The following TAFA1 variants were observed in gnomAD, a reference collection of about 807,000 sequenced individuals.
The protein encoded by TAFA1 is chemokine-like protein TAFA-1.
Under a neutral mutation model 18.5 loss-of-function variants are expected in TAFA1, and 4 were observed. That is an observed-to-expected ratio of 0.22 (90% CI 0.11 to 0.49). The LOEUF (loss-of-function observed/expected upper bound fraction) is 0.49, where lower values mean the gene tolerates loss of function less well. TAFA1 is among the 20% of genes least tolerant of loss of function. The pLI, the probability that TAFA1 is intolerant of heterozygous loss-of-function variation, is 0.98. For synonymous variants in TAFA1, 56 were observed against 55.2 expected (o/e 1.01, Z -0.06); for missense variants, 147 against 169.0 (o/e 0.87, Z 0.72).
At chr3:68,155,798 G>T (rs2065860905) in intron 2 of TAFA1, among the ~76,000 whole-genome samples, 1 of 152,076 alleles carries the variant, frequency 6.6e-6, no homozygotes, top group African/African-American at 2.4e-5. Flanking sequence ...TTCATTTCTT[G>T]TAAACCTCCA....
At chr3:68,039,454 T>A (rs1705118774) in intron 2 of TAFA1, among the ~76,000 whole-genome samples, 1 of 152,142 alleles carries the variant, frequency 6.6e-6, no homozygotes, top group South Asian at 2.1e-4. Flanking sequence ...TTTCTAGGCT[T>A]TTATATAATA....
intron 2 of TAFA1, among the ~76,000 whole-genome samples, chr3:68,189,731 A>C (rs553040049): frequency 1.3e-5 from 2 of 152,092 alleles, no homozygotes; most frequent in Non-Finnish European, 2.9e-5. Flanking sequence ...CTTCATTTCT[A>C]AAATGAGGAT....
intron 2 of TAFA1, among the ~76,000 whole-genome samples, chr3:68,100,482 G>A (rs1182648191): frequency 6.6e-6 from 1 of 152,042 alleles, no homozygotes; most frequent in East Asian, 1.9e-4. Context: ...GCATGGGACT[G>A]TCATGGCCAC....
chr3:68,226,238 A>G (rs1440600801), intron 2 of TAFA1, among the ~76,000 whole-genome samples: 1 of 152,220 alleles, frequency 6.6e-6, no homozygotes, highest in Non-Finnish European at 1.5e-5. Flanking sequence ...CCATATGCCA[A>G]TGCTATTCAC....
At chr3:68,166,544 T>G (rs2065983661) in intron 2 of TAFA1, among the ~76,000 whole-genome samples, 1 of 152,284 alleles carries the variant, frequency 6.6e-6, no homozygotes, top group Non-Finnish European at 1.5e-5. Context: ...TGGGGTGTGT[T>G]GCACAGTGGA....
chr3:68,331,265 T>C (rs909209123), intron 2 of TAFA1, among the ~76,000 whole-genome samples: 1 of 152,146 alleles, frequency 6.6e-6, no homozygotes, highest in African/African-American at 2.4e-5. Context: ...AGTAAATAAA[T>C]GGTTGCTAGG....
At chr3:67,994,410 G>C in the TAFA1 span, among the ~76,000 whole-genome samples, 1 of 152,128 alleles carries the variant, frequency 6.6e-6, no homozygotes, top group Non-Finnish European at 1.5e-5. Context: ...TGAGAGTCCA[G>C]ATTAAATTAT....
At chr3:68,366,085 CAAAAAAAA>C (rs35861602) in intron 2 of TAFA1, among the ~76,000 whole-genome samples, 20 of 93,852 alleles carry the variant, frequency 2.1e-4, no homozygotes, top group Non-Finnish European at 3.5e-4. Context: ...GACTCCATCT[CAAAAAAAA>C]AAAAAAAAAA....
chr3:68,439,140 A>G (rs1263120503), intron 3 of TAFA1, among the ~76,000 whole-genome samples: 1 of 152,012 alleles, frequency 6.6e-6, no homozygotes. Context: ...TCTCTCCTGA[A>G]CATGCTTTTT....
At chr3:68,049,405 T>C (rs1350461698) in intron 2 of TAFA1, among the ~76,000 whole-genome samples, 2 of 152,068 alleles carry the variant, frequency 1.3e-5, no homozygotes, top group Non-Finnish European at 2.9e-5. Context: ...TTATGGTAGC[T>C]GTCTATCAAT....
At chr3:68,032,431 T>C (rs1177539659) in intron 2 of TAFA1, among the ~76,000 whole-genome samples, 3 of 152,110 alleles carry the variant, frequency 2.0e-5, no homozygotes, top group African/African-American at 7.2e-5. Flanking sequence ...TTCAACTCAC[T>C]CACATATCCA....
Position 68,544,599 on chromosome 3 carries a change from C to A in TAFA1, c.*96C>A. On this transcript the variant is annotated 3_prime_UTR_variant, in exon 5 of 5. Transcript: ENST00000478136. ...ACATATATACAAGCCAAATGGATTT[C>A]TTACTTGCACTTTGACTGGCTACCA... 2 of 1,234,576 alleles carry A rather than the reference C, an allele frequency of 1.6e-6. No homozygotes were observed. The highest frequency in any genetic ancestry group is 2.4e-6 in the Non-Finnish European group (2 of 850,378). The allele number at this position is 1,234,576 out of a possible 1,614,324, so 76.5% of individuals were successfully genotyped here. A position where few individuals can be genotyped will look rare whatever the true frequency, so the allele number is the denominator to read the frequency against.
At chr3:68,384,313 C>T (rs990038836) in intron 2 of TAFA1, among the ~76,000 whole-genome samples, 1 of 151,804 alleles carries the variant, frequency 6.6e-6, no homozygotes, top group Non-Finnish European at 1.5e-5. Context: ...ACTTTAAGAG[C>T]TCTAAATCTA....
At chr3:68,487,942 A>C (rs1292301247) in intron 3 of TAFA1, among the ~76,000 whole-genome samples, 1 of 152,134 alleles carries the variant, frequency 6.6e-6, no homozygotes, top group Non-Finnish European at 1.5e-5. Context: ...CCGCTACGTG[A>C]TCTGGCATCT....
intron 2 of TAFA1, among the ~76,000 whole-genome samples, chr3:68,126,852 G>A (rs952684694): frequency 4.6e-5 from 7 of 152,146 alleles, no homozygotes; most frequent in Non-Finnish European, 8.8e-5. Context: ...TTCAATGTGT[G>A]GACACATACC....
At chr3:67,993,609 A>G in the TAFA1 span, among the ~76,000 whole-genome samples, 2 of 152,212 alleles carry the variant, frequency 1.3e-5, no homozygotes, top group African/African-American at 4.8e-5. Context: ...TAAACACCTT[A>G]TTCTTGCTAT....
At chr3:68,345,151 TC>T (rs1032074152) in intron 2 of TAFA1, among the ~76,000 whole-genome samples, 1 of 152,018 alleles carries the variant, frequency 6.6e-6, no homozygotes, top group Non-Finnish European at 1.5e-5. Context: ...CTGGAAGAGA[TC>T]ACCATTTTGA....
chr3:68,339,450 G>C (rs1281999325), intron 2 of TAFA1, among the ~76,000 whole-genome samples: 2 of 152,144 alleles, frequency 1.3e-5, no homozygotes, highest in African/African-American at 4.8e-5. Flanking sequence ...AACCCAATTT[G>C]AGAGAGAAAG....
intron 4 of TAFA1, 61 bp from the exon 5 acceptor site, chr3:68,544,425 T>A: frequency 6.4e-7 from 1 of 1,557,604 alleles, no homozygotes; most frequent in South Asian, 1.1e-5. Context: ...CATAATCACA[T>A]TTCTTTGTGC....
Sources: gnomAD v4.1 joint callset for allele counts (sites outside exome capture counted in the v4.1 genomes callset) on GRCh38, gnomAD v4.1.1 for gene constraint, MANE v1.5 for transcripts, NCBI Gene and HGNC (gene_info 2026-07-23, HGNC 2026-07-21) for gene names.